The following FGGY variants were observed in gnomAD, a reference collection of about 807,000 sequenced individuals.
The protein encoded by FGGY is FGGY carbohydrate kinase domain-containing protein.
In FGGY, 72 loss-of-function variants were observed where a neutral mutation model predicts 71.3. That is an observed-to-expected ratio of 1.01 (90% CI 0.84 to 1.23). The LOEUF (loss-of-function observed/expected upper bound fraction) is 1.23, where lower values mean the gene tolerates loss of function less well. Among genes scored for constraint, FGGY ranks in the 50% most tolerant of loss-of-function variants. The pLI, the probability that FGGY is intolerant of heterozygous loss-of-function variation, is 0.00. For missense variants in FGGY, 668 were observed against 682.3 expected, an observed-to-expected ratio of 0.98 and a Z score of 0.23; for synonymous variants, 251 against 250.3, an observed-to-expected ratio of 1.00 and a Z score of -0.02.
intron 9 of FGGY, among the ~76,000 whole-genome samples, chr1:59,621,475 A>AC (rs1260620066): frequency 2.0e-5 from 3 of 149,006 alleles, no homozygotes. Flanking sequence ...AAAAAAAAAA[A>AC]AAAAAGAACT....
intron 14 of FGGY, among the ~76,000 whole-genome samples, chr1:59,754,288 C>T (rs1180103060): frequency 6.6e-6 from 1 of 152,222 alleles, no homozygotes; most frequent in Admixed American, 6.5e-5. Context: ...CCTCTGAAAA[C>T]CTCTCGCCTG....
chr1:59,313,721 T>A (rs1028505735), intron 1 of FGGY, among the ~76,000 whole-genome samples: 1 of 152,128 alleles, frequency 6.6e-6, no homozygotes, highest in African/African-American at 2.4e-5. Flanking sequence ...AACCAAACAT[T>A]GTATGTTCTC....
intron 8 of FGGY, among the ~76,000 whole-genome samples, chr1:59,591,598 C>G (rs1263920910): frequency 6.6e-6 from 1 of 152,180 alleles, no homozygotes; most frequent in East Asian, 1.9e-4. Context: ...GAGATATAGA[C>G]CAATGTAACA....
At chr1:59,722,736 A>G (rs891321728) in intron 14 of FGGY, among the ~76,000 whole-genome samples, 2 of 152,158 alleles carry the variant, frequency 1.3e-5, no homozygotes, top group Non-Finnish European at 2.9e-5. Flanking sequence ...CTAATTGTGC[A>G]TATTTCCTGC....
At chr1:59,413,828 G>A (rs1221834864) in intron 5 of FGGY, among the ~76,000 whole-genome samples, 1 of 152,116 alleles carries the variant, frequency 6.6e-6, no homozygotes, top group Non-Finnish European at 1.5e-5. Flanking sequence ...GGGCGTGGTG[G>A]CACATGCCTG....
At chr1:59,670,203 C>A (rs1235451953) in intron 13 of FGGY, among the ~76,000 whole-genome samples, 2 of 152,178 alleles carry the variant, frequency 1.3e-5, no homozygotes, top group African/African-American at 4.8e-5. Context: ...TAAAATAGTT[C>A]ACATTCCAGC....
intron 5 of FGGY, among the ~76,000 whole-genome samples, chr1:59,398,238 T>TA (rs202143997): frequency 5.9e-5 from 9 of 151,620 alleles, no homozygotes; most frequent in Non-Finnish European, 1.0e-4. Context: ...GATTTTACTG[T>TA]AAAAAAAAAT....
At chr1:59,434,159 A>C (rs1262006767) in intron 5 of FGGY, among the ~76,000 whole-genome samples, 1 of 152,198 alleles carries the variant, frequency 6.6e-6, no homozygotes, top group Non-Finnish European at 1.5e-5. Context: ...CACCCAAGAA[A>C]ACTCTACAGT....
At chr1:59,461,456 G>A (rs2092207045) in intron 6 of FGGY, among the ~76,000 whole-genome samples, 1 of 152,200 alleles carries the variant, frequency 6.6e-6, no homozygotes, top group East Asian at 1.9e-4. Context: ...TGGTGTACCT[G>A]AAAGTGACGG....
chr1:59,546,950 CT>C (rs761977942), intron 7 of FGGY, among the ~76,000 whole-genome samples: 8,459 of 115,092 alleles, frequency 0.073, 430 homozygotes, highest in African/African-American at 0.21. Context: ...ACCTTTTTGA[CT>C]TTTTTTTTTT....
At chr1:59,453,901 A>G (rs1353411381) in intron 5 of FGGY, among the ~76,000 whole-genome samples, 1 of 152,170 alleles carries the variant, frequency 6.6e-6, no homozygotes, top group Non-Finnish European at 1.5e-5. Context: ...GCAGTACTAC[A>G]AAGTTACATG....
intron 6 of FGGY, among the ~76,000 whole-genome samples, chr1:59,501,404 G>A (rs2094217738): frequency 6.6e-6 from 1 of 151,554 alleles, no homozygotes; most frequent in Non-Finnish European, 1.5e-5. Flanking sequence ...TTCTTTATGT[G>A]ATCTTTGTAT....
chr1:59,700,617 C>T (rs1450614271), intron 14 of FGGY, among the ~76,000 whole-genome samples: 1 of 152,184 alleles, frequency 6.6e-6, no homozygotes, highest in Non-Finnish European at 1.5e-5. Context: ...CCTTTACTGT[C>T]TGATACCTGT....
intron 5 of FGGY, among the ~76,000 whole-genome samples, chr1:59,380,452 C>T (rs1247834772): frequency 6.6e-6 from 1 of 151,586 alleles, no homozygotes; most frequent in Non-Finnish European, 1.5e-5. Context: ...TCCTCTCCGG[C>T]ACCTGTTGTT....
intron 5 of FGGY, among the ~76,000 whole-genome samples, chr1:59,391,906 A>G (rs2060741464): frequency 6.6e-6 from 1 of 152,230 alleles, no homozygotes; most frequent in Non-Finnish European, 1.5e-5. Context: ...ACAAATAGAT[A>G]TGATACTATA....
At chr1:59,663,226 T>G (rs1220267197) in intron 12 of FGGY, among the ~76,000 whole-genome samples, 1 of 152,156 alleles carries the variant, frequency 6.6e-6, no homozygotes, top group African/African-American at 2.4e-5. Flanking sequence ...TTTGCCGAGG[T>G]CAAACAGCTA....
intron 5 of FGGY, among the ~76,000 whole-genome samples, chr1:59,432,801 A>G (rs988070986): frequency 8.5e-5 from 13 of 152,136 alleles, no homozygotes; most frequent in African/African-American, 2.4e-4. Flanking sequence ...CAGTATCATA[A>G]TTTCCCATTC....
At chr1:59,321,256 C>T (rs1265955758) in intron 1 of FGGY, among the ~76,000 whole-genome samples, 1 of 152,188 alleles carries the variant, frequency 6.6e-6, no homozygotes, top group Non-Finnish European at 1.5e-5. Context: ...CCTTACAGCA[C>T]TCATCACAAC....
intron 8 of FGGY, among the ~76,000 whole-genome samples, chr1:59,589,930 C>A (rs1393011932): frequency 6.6e-6 from 1 of 151,964 alleles, no homozygotes; most frequent in Non-Finnish European, 1.5e-5. Flanking sequence ...CAAGAAATAA[C>A]TAAAATCACA....
Sources: gnomAD v4.1 joint callset for allele counts (sites outside exome capture counted in the v4.1 genomes callset) on GRCh38, gnomAD v4.1.1 for gene constraint, MANE v1.5 for transcripts, NCBI Gene and HGNC (gene_info 2026-07-23, HGNC 2026-07-21) for gene names.